Variants in TMC1 observed in about 807,000 individuals in gnomAD.
TMC1 encodes transmembrane channel like 1.
In TMC1, 84 loss-of-function variants were observed where a neutral mutation model predicts 105.8. The observed-to-expected ratio is 0.79, with a 90% confidence interval of 0.67 to 0.95. TMC1 has a LOEUF of 0.95. TMC1 is among the 40% of genes least tolerant of loss of function. The pLI is 0.00. For missense variants in TMC1, 817 were observed against 914.1 expected, an observed-to-expected ratio of 0.89 and a Z score of 1.37; for synonymous variants, 315 against 311.5, an observed-to-expected ratio of 1.01 and a Z score of -0.12.
intron 17 of TMC1, among the ~76,000 whole-genome samples, chr9:72,802,423 T>C (rs1328001905): frequency 6.6e-6 from 1 of 152,194 alleles, no homozygotes; most frequent in Non-Finnish European, 1.5e-5. Flanking sequence ...ATTGTGTGAT[T>C]ATATAATTGG....
chr9:72,663,166 A>G (rs1825992093), intron 5 of TMC1, among the ~76,000 whole-genome samples: 1 of 152,194 alleles, frequency 6.6e-6, no homozygotes, highest in South Asian at 2.1e-4. Flanking sequence ...AGATACAATC[A>G]TAGGGATGTG....
intron 1 of TMC1, among the ~76,000 whole-genome samples, chr9:72,550,583 A>G (rs1242515026): frequency 6.8e-6 from 1 of 146,314 alleles, no homozygotes; most frequent in Non-Finnish European, 1.5e-5. Context: ...GCGTGAACCC[A>G]GGAGGCGGAG....
chr9:72,792,197 G>T lies in TMC1; in HGVS notation c.1411G>T (p.Glu471Ter), dbSNP rs1284414791. 1 of 1,614,118 alleles carries T rather than the reference G, an allele frequency of 6.2e-7. No homozygotes were observed. Among genetic ancestry groups the T allele is most frequent in the Non-Finnish European group, 8.5e-7 (1 of 1,180,012 alleles). The change falls in exon 17 of 24, where the codon GAG becomes TAG. Residue 471 changes from glutamate to a stop codon, truncating the protein, a stop_gained. Coordinates refer to ENST00000297784, the MANE Select transcript of TMC1 (RefSeq NM_138691.3). LOFTEE classifies it high-confidence loss of function. ...LMDEINNKIEEEKLVKANITL... is the reference protein window; with the variant it reads ...LMDEINNKIE ...CTATCTCTTTGCTTTCTAGATTGAA[G>T]AGGAGAAGCTAGTAAAGGCCAATAT...
At chr9:72,554,769 A>G (rs987071136) in intron 1 of TMC1, among the ~76,000 whole-genome samples, 1 of 152,186 alleles carries the variant, frequency 6.6e-6, no homozygotes, top group Non-Finnish European at 1.5e-5. Context: ...ACTTTCTAAC[A>G]TTCCATATTC....
intron 1 of TMC1, among the ~76,000 whole-genome samples, chr9:72,557,702 G>A (rs1278369240): frequency 7.2e-5 from 11 of 152,172 alleles, no homozygotes; most frequent in Admixed American, 7.2e-4. Context: ...GGCCCTCTGA[G>A]TCAGCCTCTT....
At chr9:72,776,256 A>G (rs1024993540) in intron 13 of TMC1, among the ~76,000 whole-genome samples, 5 of 151,744 alleles carry the variant, frequency 3.3e-5, no homozygotes, top group Non-Finnish European at 7.4e-5. Flanking sequence ...TATATATGAG[A>G]TATATATTAT....
intron 23 of TMC1, among the ~76,000 whole-genome samples, chr9:72,831,393 A>G (rs546224746): frequency 3.9e-5 from 6 of 152,130 alleles, no homozygotes; most frequent in Admixed American, 1.3e-4. Context: ...AAATGCAGGG[A>G]AATGGTATGT....
chr9:72,613,590 T>C (rs2132121651), intron 2 of TMC1, among the ~76,000 whole-genome samples: 1 of 152,260 alleles, frequency 6.6e-6, no homozygotes, highest in Non-Finnish European at 1.5e-5. Context: ...TTCCTTTGCT[T>C]GCTGATTAAG....
chr9:72,819,200 C>A (rs932910060), intron 19 of TMC1, among the ~76,000 whole-genome samples: 1 of 152,168 alleles, frequency 6.6e-6, no homozygotes, highest in African/African-American at 2.4e-5. Context: ...TGCTATCACA[C>A]TAGCAGAGAA....
intron 5 of TMC1, among the ~76,000 whole-genome samples, chr9:72,653,743 T>C (rs1271043528): frequency 6.6e-6 from 1 of 152,166 alleles, no homozygotes. Context: ...TCATGCCTTC[T>C]TGGAATAAAT....
chr9:72,684,116 G>T (rs999807576), intron 5 of TMC1, among the ~76,000 whole-genome samples: 1 of 152,042 alleles, frequency 6.6e-6, no homozygotes, highest in African/African-American at 2.4e-5. Context: ...TCTAATTCGT[G>T]TTGTTTTCTT....
chr9:72,557,645 T>C (rs987719413), intron 1 of TMC1, among the ~76,000 whole-genome samples: 11 of 152,326 alleles, frequency 7.2e-5, no homozygotes, highest in Admixed American at 2.0e-4. Flanking sequence ...AGAGGCAGCA[T>C]GTCTCAAGGC....
chr9:72,565,391 C>G (rs1824131448), intron 1 of TMC1, among the ~76,000 whole-genome samples: 1 of 152,124 alleles, frequency 6.6e-6, no homozygotes, highest in African/African-American at 2.4e-5. Flanking sequence ...TAGGCTCTTT[C>G]TTATTCCTGC....
At chr9:72,639,454 T>C in intron 4 of TMC1, among the ~76,000 whole-genome samples, 1 of 152,160 alleles carries the variant, frequency 6.6e-6, no homozygotes, top group Non-Finnish European at 1.5e-5. Flanking sequence ...AGCATATTCA[T>C]GGATTTTTTA....
intron 4 of TMC1, among the ~76,000 whole-genome samples, chr9:72,641,252 C>T (rs916018775): frequency 1.3e-5 from 2 of 152,224 alleles, no homozygotes; most frequent in African/African-American, 4.8e-5. Flanking sequence ...AGCCACCATG[C>T]CCAACTAATT....
At chr9:72,695,258 G>A (rs982028703) in intron 7 of TMC1, among the ~76,000 whole-genome samples, 1 of 152,148 alleles carries the variant, frequency 6.6e-6, no homozygotes, top group Non-Finnish European at 1.5e-5. Flanking sequence ...TGTTACAGAG[G>A]ATTTGGGTTG....
chr9:72,692,488 T>C (rs1484212103), intron 6 of TMC1, among the ~76,000 whole-genome samples: 1 of 152,206 alleles, frequency 6.6e-6, no homozygotes, highest in African/African-American at 2.4e-5. Flanking sequence ...TGAACTTTTA[T>C]GTCCATGGAG....
At position 72,661,024 on chromosome 9, in the gene TMC1, C is replaced by T. The variant is rs139564707; in HGVS notation, c.16+12360C>T. Among the ~76,000 whole-genome samples the T allele has an allele frequency of 2.8e-3, 424 of 152,180 alleles. 5 individuals carry two copies. Among genetic ancestry groups the T allele is most frequent in the African/African-American group, 9.4e-3 (391 of 41,530 alleles). ...AAAATTAGCCATGCATGGTGGCACG[C>T]GCCTGTAGTCCCAGCTACTTGGGAG... On this transcript the variant is annotated intron_variant, in intron 5 of 23. Coordinates refer to ENST00000297784, the MANE Select transcript of TMC1 (RefSeq NM_138691.3).
intron 5 of TMC1, among the ~76,000 whole-genome samples, chr9:72,652,162 A>T (rs1340639319): frequency 6.6e-6 from 1 of 152,126 alleles, no homozygotes; most frequent in Admixed American, 6.5e-5. Context: ...ATAATTAGTG[A>T]TGCTGAACAT....
Sources: gnomAD v4.1 joint callset for allele counts (sites outside exome capture counted in the v4.1 genomes callset) on GRCh38, gnomAD v4.1.1 for gene constraint, MANE v1.5 for transcripts, NCBI Gene and HGNC (gene_info 2026-07-23, HGNC 2026-07-21) for gene names.